PDCD1LG2: variants seen among roughly 807,000 people sequenced by gnomAD.
PDCD1LG2 encodes the protein B7 dendritic cell molecule.
In PDCD1LG2, 32 loss-of-function variants were observed where a neutral mutation model predicts 28.2. The observed-to-expected ratio is 1.13, with a 90% CI of 0.86 to 1.52. The LOEUF is 1.52. Among genes scored for constraint, PDCD1LG2 ranks in the 40% most tolerant of loss-of-function variants. The pLI, the probability that PDCD1LG2 is intolerant of heterozygous loss-of-function variation, is 0.00. For synonymous variants in PDCD1LG2, 116 were observed against 120.2 expected, an observed-to-expected ratio of 0.97 and a Z score of 0.23; for missense variants, 385 against 323.8, an observed-to-expected ratio of 1.19 and a Z score of -1.45.
chr9:5,516,182 G>C (rs62556119), intron 1 of PDCD1LG2, among the ~76,000 whole-genome samples: 8,152 of 152,050 alleles, frequency 0.054, 261 homozygotes, highest in East Asian at 0.086. Flanking sequence ...CTCCCGAGTA[G>C]CTGGTATTAC....
At chr9:5,525,275 G>A (rs1261950713) in intron 2 of PDCD1LG2, among the ~76,000 whole-genome samples, 1 of 151,620 alleles carries the variant, frequency 6.6e-6, no homozygotes, top group Non-Finnish European at 1.5e-5. Flanking sequence ...AACCCAGGAG[G>A]CAGAGGTTGC....
chr9:5,541,934 A>T (rs1820695217), intron 3 of PDCD1LG2, among the ~76,000 whole-genome samples: 1 of 152,208 alleles, frequency 6.6e-6, no homozygotes, highest in African/African-American at 2.4e-5. Context: ...TTCAAACCAT[A>T]CTATAACACC....
intron 2 of PDCD1LG2, among the ~76,000 whole-genome samples, chr9:5,525,294 A>G (rs1463772545): frequency 5.3e-5 from 8 of 151,736 alleles, no homozygotes; most frequent in South Asian, 2.1e-4. Context: ...GCAGTGAGCT[A>G]AGATCATGTC....
At chr9:5,540,587 C>T (rs1224579594) in intron 3 of PDCD1LG2, among the ~76,000 whole-genome samples, 1 of 152,090 alleles carries the variant, frequency 6.6e-6, no homozygotes, top group Non-Finnish European at 1.5e-5. Flanking sequence ...CTATGAACAC[C>T]TTTACACGTA....
rs866307488 is a variant in PDCD1LG2, at chr9:5,516,857, A to C, written c.-14-5676A>C. Among the ~76,000 whole-genome samples the C allele has an allele frequency of 7.9e-5, 12 of 152,212 alleles. 1 individual carries two copies. In the Middle Eastern group the frequency reaches 0.01, roughly 129 times the overall value. On this transcript the variant is annotated intron_variant, in intron 1 of 6. Transcript: ENST00000397747. Reference sequence around the variant, plus strand: ...CAGGGAGTGGGAGCAGGCACTTTCAACCTTGTGGGAGCAGGGGACTTCCTG... The same window carrying C: ...CAGGGAGTGGGAGCAGGCACTTTCACCCTTGTGGGAGCAGGGGACTTCCTG...
chr9:5,551,030 C>T (rs1041647309), intron 4 of PDCD1LG2, among the ~76,000 whole-genome samples: 5 of 152,292 alleles, frequency 3.3e-5, no homozygotes, highest in South Asian at 2.1e-4. Flanking sequence ...CTCTTTGCCA[C>T]CTCTTAAGGA....
chr9:5,563,445 T>C (rs1224369814), intron 6 of PDCD1LG2, among the ~76,000 whole-genome samples: 2 of 152,234 alleles, frequency 1.3e-5, no homozygotes, highest in East Asian at 3.8e-4. Context: ...GCACTGGACC[T>C]CTGGTCTCAC....
In PDCD1LG2 at chr9:5,570,323, GGT is replaced by G. The variant is rs1191473523; in HGVS notation, c.*370_*371del. The G allele has an allele frequency of 7.5e-6, 2 of 266,548 alleles. No individual in the cohort carries two copies. The highest frequency in any genetic ancestry group is 4.3e-5 in the African/African-American group (2 of 46,460). 16.5% of individuals were successfully genotyped at this position (266,548 alleles called of 1,614,324 possible). A position where few individuals can be genotyped will look rare whatever the true frequency, so the allele number is the denominator to read the frequency against. On this transcript the variant is annotated 3_prime_UTR_variant, in exon 7 of 7. Transcript: ENST00000397747. ...TTTCTAAGTGATTTCCAAAAGCAGA[GGT>G]GTGTGGAAATTTCCAGTAACAGAAA...
At chr9:5,539,987 G>C (rs781290584) in intron 3 of PDCD1LG2, among the ~76,000 whole-genome samples, 1 of 152,212 alleles carries the variant, frequency 6.6e-6, no homozygotes, top group Non-Finnish European at 1.5e-5. Context: ...AGACTATATA[G>C]TAGGCCACAA....
chr9:5,558,864 T>C (rs977097243), intron 5 of PDCD1LG2, among the ~76,000 whole-genome samples: 3 of 151,922 alleles, frequency 2.0e-5, no homozygotes, highest in African/African-American at 7.3e-5. Context: ...AGAAGAAAGA[T>C]AGAAAGAAAA....
intron 1 of PDCD1LG2, among the ~76,000 whole-genome samples, chr9:5,513,365 G>T (rs1240789915): frequency 6.6e-6 from 1 of 152,234 alleles, no homozygotes; most frequent in African/African-American, 2.4e-5. Context: ...CCTCTGGGAA[G>T]TCTCCCTTCC....
rs2129874543 is a variant in PDCD1LG2, at chr9:5,549,391, G to C, written c.418G>C (p.Glu140Gln). ...AAAGGTTCCAGAAACAGATGAGGTA[G>C]AGCTCACCTGCCAGGCTACAGGTTA... is the stretch of plus-strand genomic sequence containing the variant. Reference protein sequence around the residue: ...ILKVPETDEVELTCQATGYPL... With the variant: ...ILKVPETDEVQLTCQATGYPL... Residue 140 changes from glutamate to glutamine, a missense_variant, in exon 4 of 7, where the codon GAG becomes CAG. Coordinates refer to ENST00000397747, the MANE Select transcript of PDCD1LG2 (RefSeq NM_025239.4). The C allele has an allele frequency of 6.2e-7, 1 of 1,614,142 alleles. No homozygotes were observed. Among genetic ancestry groups the C allele is most frequent in the Non-Finnish European group, 8.5e-7 (1 of 1,179,992 alleles).
At position 5,569,922 on chromosome 9, in the gene PDCD1LG2, G is replaced by T. The variant is rs748647332; in HGVS notation, c.817-32G>T. ...TATATATTTTCTAATCATAAAAAATGATTTTTCTTATTTGTGGGCTTTTCT... is the reference window on the plus strand; with the variant it reads ...TATATATTTTCTAATCATAAAAAATTATTTTTCTTATTTGTGGGCTTTTCT... On this transcript the variant is annotated intron_variant, in intron 6 of 6. Coordinates refer to ENST00000397747, the MANE Select transcript of PDCD1LG2 (RefSeq NM_025239.4). The surrounding 1 kb of genome is among the most constrained non-coding windows in gnomAD (Gnocchi z 4.1). The T allele has an allele frequency of 5.0e-6, 8 of 1,611,170 alleles. No individual in the cohort carries two copies. The African/African-American group carries it at 5.3e-5, about 11-fold the overall frequency.
Position 5,510,595 on chromosome 9 carries a change from C to T in PDCD1LG2, c.-223C>T, listed in dbSNP as rs1303696437. On this transcript the variant is annotated 5_prime_UTR_variant, in exon 1 of 7. It adds an upstream start codon to the 5' untranslated region. Transcript: ENST00000397747. ...TTTTCTTCTCTTGAATATATCTTAA[C>T]GCCAAATTTTGAGTGCTTTTTTGTT... is the stretch of plus-strand genomic sequence containing the variant. 3 of 152,634 alleles carry T rather than the reference C, an allele frequency of 2.0e-5. No homozygotes were observed. The highest frequency in any genetic ancestry group is 2.1e-4 in the South Asian group (1 of 4,830). 9.5% of individuals were successfully genotyped at this position (152,634 alleles called of 1,614,324 possible).
intron 3 of PDCD1LG2, among the ~76,000 whole-genome samples, chr9:5,542,636 G>C (rs546103458): frequency 6.6e-6 from 1 of 152,096 alleles, no homozygotes; most frequent in African/African-American, 2.4e-5. Context: ...ACCACACTGC[G>C]ATACCACCTT....
intron 3 of PDCD1LG2, among the ~76,000 whole-genome samples, chr9:5,542,914 A>G (rs1365987343): frequency 6.6e-6 from 1 of 152,212 alleles, no homozygotes; most frequent in African/African-American, 2.4e-5. Context: ...GCAATTGCAA[A>G]TATATGGAAC....
chr9:5,515,940 A>AAAG (rs1820152559), intron 1 of PDCD1LG2, among the ~76,000 whole-genome samples: 1 of 150,232 alleles, frequency 6.7e-6, no homozygotes, highest in African/African-American at 2.4e-5. Flanking sequence ...AAAAAAAAAA[A>AAAG]AAAAAAAAAG....
At chr9:5,530,440 T>C (rs1316959804) in intron 2 of PDCD1LG2, among the ~76,000 whole-genome samples, 2 of 140,614 alleles carry the variant, frequency 1.4e-5, no homozygotes, top group South Asian at 2.2e-4. Flanking sequence ...GCATGTAAAG[T>C]AGAAAACAAA....
chr9:5,555,632 C>T (rs145975192), intron 4 of PDCD1LG2, among the ~76,000 whole-genome samples: 42 of 152,270 alleles, frequency 2.8e-4, no homozygotes, highest in African/African-American at 1.0e-3. Context: ...TAGAGTCATT[C>T]AGTGATCCAG....
Sources: allele counts gnomAD v4.1 joint callset (sites outside exome capture counted in the v4.1 genomes callset), GRCh38; gene constraint gnomAD v4.1.1; non-coding constraint Gnocchi (gnomAD v3.1); transcripts MANE v1.5; gene names NCBI Gene and HGNC (gene_info 2026-07-23, HGNC 2026-07-21).